Variants in PCDHGB5 observed in about 807,000 individuals in gnomAD.
PCDHGB5 encodes the protein protocadherin gamma subfamily B, 5.
Under a neutral mutation model 62.9 loss-of-function variants are expected in PCDHGB5, and 48 were observed. That is an observed-to-expected ratio of 0.76 (90% CI 0.61 to 0.97). The LOEUF is 0.97. Among genes scored for constraint, PCDHGB5 ranks in the 50% least tolerant of loss-of-function variants. The pLI is 0.00. For synonymous variants in PCDHGB5, 474 were observed against 511.2 expected, an observed-to-expected ratio of 0.93 and a Z score of 0.98; for missense variants, 1,118 against 1,198.6, an observed-to-expected ratio of 0.93 and a Z score of 0.99.
At chr5:141,409,631 T>C (rs773588699) in intron 1 of PCDHGB5, 27 of 1,613,698 alleles carry the variant, frequency 1.7e-5, no homozygotes, top group Non-Finnish European at 2.2e-5. Context: ...AGTGAGCGCC[T>C]CTGACCCGGA....
At position 141,490,054 on chromosome 5, in the gene PCDHGB5, G is replaced by A. The variant is rs2099695440; in HGVS notation, c.2398-4753G>A. The A allele has an allele frequency of 6.2e-7, 1 of 1,614,104 alleles. No individual in the cohort carries two copies. The highest frequency in any genetic ancestry group is 1.3e-5 in the African/African-American group (1 of 74,944). ...CCTCAATGCCACTGATCCAGACGAG[G>A]GCACCAACGGCCAACTAGACTATTC... On this transcript the variant is annotated intron_variant, in intron 1 of 3. Transcript: ENST00000617380. This position sits in a 1 kb window ranked among gnomAD's most constrained non-coding sequence, Gnocchi z 5.4.
intron 1 of PCDHGB5, chr5:141,404,006 C>A: frequency 6.2e-7 from 1 of 1,613,804 alleles, no homozygotes; most frequent in Non-Finnish European, 8.5e-7. Context: ...CATTACATCT[C>A]TGTTTAGCCC....
intron 1 of PCDHGB5, among the ~76,000 whole-genome samples, chr5:141,446,824 A>T (rs973108119): frequency 1.3e-5 from 2 of 152,156 alleles, no homozygotes; most frequent in African/African-American, 4.8e-5. Flanking sequence ...AGATGGGTAG[A>T]TCCTTATAAG....
Position 141,486,282 on chromosome 5 carries a change from C to G in PCDHGB5, c.2398-8525C>G. On this transcript the variant is annotated intron_variant, in intron 1 of 3. Transcript: ENST00000617380. This position sits in a 1 kb window ranked among gnomAD's most constrained non-coding sequence, Gnocchi z 5.0. ...AGTGCAGAACCTGGCACTGTGGTGG[C>G]ACTTATCAGTGTGCAGGATCCAGAC... The G allele has an allele frequency of 1.2e-6, 2 of 1,614,052 alleles. No homozygotes were observed. The highest frequency in any genetic ancestry group is 1.7e-6 in the Non-Finnish European group (2 of 1,179,992).
intron 1 of PCDHGB5, among the ~76,000 whole-genome samples, chr5:141,488,534 A>C (rs1169478867): frequency 1.3e-5 from 2 of 152,292 alleles, no homozygotes; most frequent in East Asian, 3.9e-4. Flanking sequence ...AGAAAAGCTA[A>C]GTCCCATGTC....
At chr5:141,505,523 G>C in intron 3 of PCDHGB5, 42 bp downstream of exon 3, 2 of 1,612,760 alleles carry the variant, frequency 1.2e-6, no homozygotes, top group South Asian at 2.2e-5. Context: ...GGGAGACCTG[G>C]GGTTCTGGGG....
chr5:141,486,474 C>G lies in PCDHGB5; in HGVS notation c.2398-8333C>G. ...ACTGCTTCTGATGCTGGGAACCCTC[C>G]TCTCAGTACCCACAGAACTATTTTC... On this transcript the variant is annotated intron_variant, in intron 1 of 3. Transcript: ENST00000617380. The surrounding 1 kb of genome is among the most constrained non-coding windows in gnomAD (Gnocchi z 5.0). The G allele has an allele frequency of 6.2e-7, 1 of 1,614,016 alleles. No individual in the cohort carries two copies. Among genetic ancestry groups the G allele is most frequent in the Non-Finnish European group, 8.5e-7 (1 of 1,179,822 alleles).
chr5:141,465,366 A>G (rs2099102089), intron 1 of PCDHGB5, among the ~76,000 whole-genome samples: 1 of 152,154 alleles, frequency 6.6e-6, no homozygotes, highest in Non-Finnish European at 1.5e-5. Flanking sequence ...GGTGCCCTTT[A>G]AAGTTGTAAG....
At position 141,486,709 on chromosome 5, in the gene PCDHGB5, C is replaced by T; in HGVS notation, c.2398-8098C>T. 6.2e-7 allele frequency: 1 copy of T among 1,614,182 alleles called. No individual in the cohort carries two copies. ...CTTCCTCTTTCATCTCTCTGAACCC[C>T]CAGACAGGAGCTGTTCATGCTACTC... On this transcript the variant is annotated intron_variant, in intron 1 of 3. Coordinates refer to ENST00000617380, the MANE Select transcript of PCDHGB5 (RefSeq NM_018925.3). This position sits in a 1 kb window ranked among gnomAD's most constrained non-coding sequence, Gnocchi z 5.0.
At chr5:141,426,844 A>C (rs1397752566) in intron 1 of PCDHGB5, 1 of 456,628 alleles carries the variant, frequency 2.2e-6, no homozygotes, top group Non-Finnish European at 4.4e-6. Context: ...ACTAAAGGCA[A>C]GAACGCTCCA....
intron 1 of PCDHGB5, chr5:141,441,621 G>C (rs2098260273): frequency 9.0e-6 from 2 of 223,292 alleles, no homozygotes; most frequent in Non-Finnish European, 1.8e-5. Flanking sequence ...CGTGGCCAGT[G>C]ACCTGGAGCC....
Position 141,485,057 on chromosome 5 carries a change from C to A in PCDHGB5, c.2398-9750C>A, listed in dbSNP as rs2099605934. ...GTAACCCTTGCGGCGCCGGCCGAACCGCGCCAGAGCTGGCGCGGGGAAAGG... is the reference window on the plus strand; with the variant it reads ...GTAACCCTTGCGGCGCCGGCCGAACAGCGCCAGAGCTGGCGCGGGGAAAGG... On this transcript the variant is annotated intron_variant, in intron 1 of 3. Coordinates refer to ENST00000617380, the MANE Select transcript of PCDHGB5 (RefSeq NM_018925.3). The surrounding 1 kb of genome is among the most constrained non-coding windows in gnomAD (Gnocchi z 5.7). The A allele has an allele frequency of 2.4e-6, 2 of 843,718 alleles. No homozygotes were observed. Among genetic ancestry groups the A allele is most frequent in the South Asian group, 1.7e-5 (1 of 59,950 alleles). 52.3% of individuals were successfully genotyped at this position (843,718 alleles called of 1,614,324 possible).
intron 1 of PCDHGB5, chr5:141,410,478 C>T (rs767257836): frequency 1.9e-6 from 3 of 1,613,992 alleles, no homozygotes; most frequent in Non-Finnish European, 2.5e-6. Flanking sequence ...ATTGCACATA[C>T]GGGTACAAAA....
chr5:141,409,657 C>T (rs13184346), intron 1 of PCDHGB5: 1 of 1,613,620 alleles, frequency 6.2e-7, no homozygotes, highest in Non-Finnish European at 8.5e-7. Context: ...GGCTCAATGG[C>T]CACATCTCCT....
At position 141,511,313 on chromosome 5, in the gene PCDHGB5, CAGAA is replaced by C; in HGVS notation, c.*142_*145del. The C allele has an allele frequency of 2.0e-6, 3 of 1,482,944 alleles. No homozygotes were observed. In the South Asian group the frequency reaches 4.1e-5, roughly 20 times the overall value. 91.9% of individuals were successfully genotyped at this position (1,482,944 alleles called of 1,614,324 possible). ...CCAAGGCCATGCTCCCCTTGGGAAA[CAGAA>C]ACAAGTGCCCAGTCAGCACCTACCC... On this transcript the variant is annotated 3_prime_UTR_variant, in exon 4 of 4. Transcript: ENST00000617380.
At chr5:141,478,524 C>T in intron 1 of PCDHGB5, 1 of 1,609,844 alleles carries the variant, frequency 6.2e-7, no homozygotes, top group Non-Finnish European at 8.5e-7. Flanking sequence ...GTGTTGGGTG[C>T]AGAGAGCGCC....
At chr5:141,404,233 AG>A (rs2094501302) in intron 1 of PCDHGB5, 1 of 1,613,628 alleles carries the variant, frequency 6.2e-7, no homozygotes, top group African/African-American at 1.3e-5. Flanking sequence ...CAACAGACAG[AG>A]GAACTCCGCC....
chr5:141,409,887 T>C, intron 1 of PCDHGB5: 2 of 1,613,062 alleles, frequency 1.2e-6, no homozygotes, highest in Admixed American at 1.7e-5. Context: ...GCACCGCGGG[T>C]GCTGTACCCA....
intron 2 of PCDHGB5, among the ~76,000 whole-genome samples, chr5:141,496,008 C>CT (rs1468405718): frequency 2.0e-5 from 3 of 151,956 alleles, no homozygotes; most frequent in Non-Finnish European, 4.4e-5. Flanking sequence ...TTTATCTTGT[C>CT]TTTTTTCTCT....
Sources: gnomAD v4.1 joint callset for allele counts (sites outside exome capture counted in the v4.1 genomes callset) on GRCh38, gnomAD v4.1.1 for gene constraint, Gnocchi (gnomAD v3.1) non-coding constraint, MANE v1.5 for transcripts, NCBI Gene and HGNC (gene_info 2026-07-23, HGNC 2026-07-21) for gene names.